The following ASIC2 variants were observed in gnomAD, a reference collection of about 807,000 sequenced individuals.
ASIC2 encodes acid-sensing ion channel 2.
Under a neutral mutation model 57.3 loss-of-function variants are expected in ASIC2, and 25 were observed. That is an observed-to-expected ratio of 0.44 (90% CI 0.32 to 0.61). The LOEUF is 0.61. ASIC2 is among the 20% of genes least tolerant of loss of function. The probability of loss-of-function intolerance (pLI) is 0.06; values close to 1 mark genes in which losing one functional copy is unlikely to be tolerated. For missense variants in ASIC2, 641 were observed against 738.1 expected (o/e 0.87, Z 1.52); for synonymous variants, 319 against 307.5 (o/e 1.04, Z -0.39).
At chr17:33,911,700 T>G (rs1433015271) in intron 1 of ASIC2, among the ~76,000 whole-genome samples, 7 of 152,146 alleles carry the variant, frequency 4.6e-5, no homozygotes, top group Non-Finnish European at 1.0e-4. Context: ...GTTTGCAAAT[T>G]TCTGTTTGCC....
At chr17:34,020,017 T>G (rs1453282420) in intron 1 of ASIC2, among the ~76,000 whole-genome samples, 3 of 152,216 alleles carry the variant, frequency 2.0e-5, no homozygotes, top group Non-Finnish European at 4.4e-5. Context: ...GAAGCATTAC[T>G]CCTGCCACAC....
chr17:33,043,032 T>C (rs2091935885), intron 3 of ASIC2, among the ~76,000 whole-genome samples: 1 of 147,718 alleles, frequency 6.8e-6, no homozygotes. Flanking sequence ...GTTCATGCCA[T>C]TCTCCTGCCT....
intron 1 of ASIC2, among the ~76,000 whole-genome samples, chr17:33,917,666 T>TC (rs1915612812): frequency 1.3e-5 from 2 of 152,072 alleles, no homozygotes; most frequent in Non-Finnish European, 2.9e-5. Context: ...AAACCTCATT[T>TC]CCCCAGAAAC....
At chr17:33,333,530 A>G (rs1907397057) in intron 1 of ASIC2, among the ~76,000 whole-genome samples, 1 of 152,234 alleles carries the variant, frequency 6.6e-6, no homozygotes. Context: ...TCAGAATAAC[A>G]GCAAGAGAAT....
chr17:33,250,943 A>T (rs1219188162), intron 1 of ASIC2, among the ~76,000 whole-genome samples: 1 of 152,234 alleles, frequency 6.6e-6, no homozygotes, highest in African/African-American at 2.4e-5. Flanking sequence ...GTGCAAAAAC[A>T]TATTTATGTG....
intron 1 of ASIC2, among the ~76,000 whole-genome samples, chr17:33,516,448 T>C (rs557921778): frequency 3.3e-5 from 5 of 151,086 alleles, no homozygotes; most frequent in Non-Finnish European, 5.9e-5. Context: ...GGGGTGGTGA[T>C]GCTGTTGTTG....
At chr17:33,806,590 T>A (rs1044847646) in intron 1 of ASIC2, among the ~76,000 whole-genome samples, 1 of 152,232 alleles carries the variant, frequency 6.6e-6, no homozygotes, top group Non-Finnish European at 1.5e-5. Context: ...TATTTAGCAA[T>A]GCAAATCTCT....
At chr17:34,107,836 A>C (rs1228098570) in intron 1 of ASIC2, among the ~76,000 whole-genome samples, 1 of 152,094 alleles carries the variant, frequency 6.6e-6, no homozygotes, top group Non-Finnish European at 1.5e-5. Context: ...GCTTTAATTT[A>C]ATTTGGGGGT....
chr17:33,733,746 A>G (rs1054682064), intron 1 of ASIC2, among the ~76,000 whole-genome samples: 8 of 152,086 alleles, frequency 5.3e-5, no homozygotes, highest in Non-Finnish European at 1.5e-5. Context: ...TCATCCTGCC[A>G]AGCTTCTGTG....
At chr17:33,805,627 C>A (rs189750523) in intron 1 of ASIC2, among the ~76,000 whole-genome samples, 230 of 152,320 alleles carry the variant, frequency 1.5e-3, no homozygotes, top group Non-Finnish European at 2.5e-3. Flanking sequence ...GAGTAAAAGA[C>A]TTAGCATCAC....
chr17:33,395,834 C>T (rs974108913), intron 1 of ASIC2, among the ~76,000 whole-genome samples: 4 of 152,168 alleles, frequency 2.6e-5, no homozygotes, highest in Admixed American at 1.3e-4. Context: ...ATGACTTTGG[C>T]ACTTACCAGT....
chr17:33,337,880 A>G (rs1216205303), intron 1 of ASIC2, among the ~76,000 whole-genome samples: 1 of 149,228 alleles, frequency 6.7e-6, no homozygotes, highest in Non-Finnish European at 1.5e-5. Flanking sequence ...AGGGCAAAGA[A>G]AGTGGAAGTG....
At chr17:33,122,968 A>T in intron 1 of ASIC2, among the ~76,000 whole-genome samples, 1 of 152,178 alleles carries the variant, frequency 6.6e-6, no homozygotes, top group South Asian at 2.1e-4. Flanking sequence ...TACAGTGGCC[A>T]CTACCGAAAA....
intron 1 of ASIC2, among the ~76,000 whole-genome samples, chr17:34,040,453 G>A (rs1299606816): frequency 8.6e-6 from 1 of 116,150 alleles, no homozygotes; most frequent in Non-Finnish European, 1.8e-5. Flanking sequence ...AGGGGGAGGG[G>A]ACGAGGAAGG....
At chr17:33,466,345 AC>A (rs1912862095) in intron 1 of ASIC2, among the ~76,000 whole-genome samples, 1 of 152,216 alleles carries the variant, frequency 6.6e-6, no homozygotes, top group Non-Finnish European at 1.5e-5. Flanking sequence ...AAAAAAGGAC[AC>A]AAACAAATGG....
At position 33,072,585 on chromosome 17, in the gene ASIC2, C is replaced by T. The variant is rs1422124636; in HGVS notation, c.987+16278G>A. On this transcript the variant is annotated intron_variant, in intron 3 of 9. Coordinates refer to ENST00000225823, the MANE Select transcript of ASIC2 (RefSeq NM_183377.2). Reference sequence around the variant, plus strand: ...AGCTGCTTCACAACTGAAGTACTTTCATAGCTATTGCCAAATCTGATCCTC... The same window carrying T: ...AGCTGCTTCACAACTGAAGTACTTTTATAGCTATTGCCAAATCTGATCCTC... Among the ~76,000 whole-genome samples the T allele has an allele frequency of 2.0e-5, 3 of 152,222 alleles. No homozygotes were observed. The East Asian group carries it at 5.8e-4, about 29-fold the overall frequency.
intron 1 of ASIC2, chr17:34,118,558 C>G (rs1042532671): frequency 6.6e-6 from 1 of 152,236 alleles, no homozygotes; most frequent in Non-Finnish European, 1.5e-5. Flanking sequence ...CCACTATCAG[C>G]AGAATATGCA....
intron 1 of ASIC2, among the ~76,000 whole-genome samples, chr17:34,030,812 G>T (rs1349724122): frequency 6.6e-6 from 1 of 152,178 alleles, no homozygotes; most frequent in Admixed American, 6.5e-5. Flanking sequence ...TGGGGGAGGG[G>T]CACCCGCAAT....
intron 1 of ASIC2, among the ~76,000 whole-genome samples, chr17:34,145,484 A>T (rs1567837596): frequency 6.6e-6 from 1 of 152,208 alleles, no homozygotes; most frequent in Non-Finnish European, 1.5e-5. Flanking sequence ...CATCTGCAGC[A>T]TTGCCAATAA....
Sources: allele counts gnomAD v4.1 joint callset (sites outside exome capture counted in the v4.1 genomes callset), GRCh38; gene constraint gnomAD v4.1.1; transcripts MANE v1.5; gene names NCBI Gene and HGNC (gene_info 2026-07-23, HGNC 2026-07-21).